Variants in MIR17HG observed in about 807,000 individuals in gnomAD.
The protein encoded by MIR17HG is MIR17 host gene (non-protein coding).
At chr13:91,353,404 ATGTTT>A (rs1177550650) in intron 3 of MIR17HG, among the ~76,000 whole-genome samples, 2 of 152,176 alleles carry the variant, frequency 1.3e-5, no homozygotes, top group Non-Finnish European at 2.9e-5. Flanking sequence ...ATAAATGTGT[ATGTTT>A]TGTTGTGGGT....
chr13:91,352,177 G>A (rs983224263), intron 3 of MIR17HG: 3 of 152,192 alleles, frequency 2.0e-5, no homozygotes, highest in Non-Finnish European at 4.4e-5. Context: ...ACGTAAGCCA[G>A]ACTTTGGCAA....
chr13:91,349,534 G>C lies in MIR17HG; in HGVS notation n.141-164G>C, dbSNP rs1461005926. ...ACGTATTTTTCAACTGTAAATTATT[G>C]GGCTTTTAAATCCTGCTAGTATTGC... is the stretch of plus-strand genomic sequence containing the variant. On this transcript the variant is annotated intron_variant and non_coding_transcript_variant, in intron 1 of 3. Coordinates refer to ENST00000400282, the Ensembl canonical transcript of MIR17HG. Among the ~76,000 whole-genome samples, 4 of 152,150 alleles carry C rather than the reference G, an allele frequency of 2.6e-5. No individual in the cohort carries two copies. The East Asian group carries it at 7.7e-4, about 29-fold the overall frequency.
chr13:91,348,889 C>T (rs1186091053), intron 1 of MIR17HG, among the ~76,000 whole-genome samples: 1 of 148,630 alleles, frequency 6.7e-6, no homozygotes, highest in Non-Finnish European at 1.5e-5. Context: ...ACGGGCACCG[C>T]GGCCGCGGAG....
chr13:91,350,695 C>T (rs574561371), intron 3 of MIR17HG: 1 of 534,054 alleles, frequency 1.9e-6, no homozygotes, highest in East Asian at 5.5e-5. Flanking sequence ...TGACAGCTGC[C>T]TCGGGAAGCC....
chr13:91,351,480 A>T, intron 3 of MIR17HG: 2 of 415,384 alleles, frequency 4.8e-6, no homozygotes, highest in South Asian at 3.7e-5. Context: ...ATGAAATATT[A>T]AAGAAAATGT....
At chr13:91,352,304 G>A (rs1042488694) in intron 3 of MIR17HG, 1 of 152,030 alleles carries the variant, frequency 6.6e-6, no homozygotes. Context: ...ATGTGTTTTT[G>A]TCTCTAGCCT....
rs373341333 is a variant in MIR17HG, at chr13:91,350,551, A to G, written n.284+325A>G. 1.8e-3 allele frequency: 940 copies of G among 532,734 alleles called. 3 individuals carry two copies. Among genetic ancestry groups the G allele is most frequent in the Non-Finnish European group, 3.1e-3 (800 of 259,914 alleles). 33.0% of individuals were successfully genotyped at this position (532,734 alleles called of 1,614,324 possible). A position where few individuals can be genotyped will look rare whatever the true frequency, so the allele number is the denominator to read the frequency against. On this transcript the variant is annotated intron_variant and non_coding_transcript_variant, in intron 3 of 3. Coordinates refer to ENST00000400282, the Ensembl canonical transcript of MIR17HG. ...GGTGTTAATTCTAATTATCTATTTC[A>G]AATTTAGCAGGAAAAAAGAGAACAT...
At chr13:91,351,937 CT>C (rs1390870194) in intron 3 of MIR17HG, 3 of 153,452 alleles carry the variant, frequency 2.0e-5, no homozygotes, top group Admixed American at 6.4e-5. Context: ...ACTAGTTTTT[CT>C]TTCTGATTGT....
At chr13:91,348,035 G>A (rs1290729202) in intron 1 of MIR17HG, 2 of 150,618 alleles carry the variant, frequency 1.3e-5, no homozygotes, top group Admixed American at 6.7e-5. Context: ...GGGGCGGAGC[G>A]GCCCGGGGCG....
intron 1 of MIR17HG, among the ~76,000 whole-genome samples, chr13:91,348,672 C>T (rs1308801995): frequency 6.6e-6 from 1 of 150,786 alleles, no homozygotes; most frequent in Non-Finnish European, 1.5e-5. Flanking sequence ...GAGGAGGCCG[C>T]AGTCGGCCTC....
chr13:91,350,526 G>A (rs1043140882), intron 3 of MIR17HG: 29 of 528,336 alleles, frequency 5.5e-5, no homozygotes, highest in Non-Finnish European at 1.0e-4. Flanking sequence ...TAGAGTTTGA[G>A]GTGTTAATTC....
chr13:91,350,181 G>T (rs1281036293), exon 3 of MIR17HG: 7 of 178,000 alleles, frequency 3.9e-5, no homozygotes, highest in Non-Finnish European at 8.5e-5. Context: ...AGCCAGAAGA[G>T]GAGGAAAATG....
chr13:91,349,658 A>C (rs2138690164), intron 1 of MIR17HG: 1 of 152,318 alleles, frequency 6.6e-6, no homozygotes, highest in East Asian at 1.9e-4. Context: ...TTGAGCAAAT[A>C]ATGTTTTATC....
intron 3 of MIR17HG, chr13:91,351,620 G>C (rs898891744): frequency 3.2e-6 from 1 of 317,274 alleles, no homozygotes; most frequent in Non-Finnish European, 6.4e-6. Context: ...TGGCTGTTAA[G>C]TATTGCGATA....
chr13:91,348,337 G>C (rs1261428271), intron 1 of MIR17HG, among the ~76,000 whole-genome samples: 8 of 150,234 alleles, frequency 5.3e-5, no homozygotes, highest in African/African-American at 1.9e-4. Flanking sequence ...GGGGCCCGGG[G>C]CGCGCGCGGG....
At chr13:91,348,138 C>T (rs1335598729) in intron 1 of MIR17HG, among the ~76,000 whole-genome samples, 4 of 130,226 alleles carry the variant, frequency 3.1e-5, no homozygotes, top group Non-Finnish European at 6.7e-5. Flanking sequence ...TCTGGCTGCC[C>T]CCTCGCTCGC....
At chr13:91,353,337 A>G (rs1875421650) in intron 3 of MIR17HG, among the ~76,000 whole-genome samples, 1 of 152,182 alleles carries the variant, frequency 6.6e-6, no homozygotes, top group Admixed American at 6.5e-5. Flanking sequence ...ACTAGTATTC[A>G]TTGTGTTCAG....
At chr13:91,349,106 G>T (rs1420590432) in intron 1 of MIR17HG, among the ~76,000 whole-genome samples, 1 of 151,998 alleles carries the variant, frequency 6.6e-6, no homozygotes. Flanking sequence ...GCAGGGCCGC[G>T]CTCCCCCTTG....
intron 1 of MIR17HG, among the ~76,000 whole-genome samples, chr13:91,348,806 T>G (rs1875106808): frequency 6.8e-6 from 1 of 146,950 alleles, no homozygotes; most frequent in Non-Finnish European, 1.5e-5. Flanking sequence ...TGCACGGGGG[T>G]GAGGGCGGGG....
Sources: allele counts gnomAD v4.1 joint callset (sites outside exome capture counted in the v4.1 genomes callset), GRCh38; gene constraint gnomAD v4.1.1; transcripts MANE v1.5; gene names NCBI Gene and HGNC (gene_info 2026-07-23, HGNC 2026-07-21).